The following SHISA6 variants were observed in gnomAD, a reference collection of about 807,000 sequenced individuals.
SHISA6 encodes shisa family member 6, also known as protein shisa-6.
A neutral mutation model predicts 47.9 loss-of-function variants in SHISA6; 22 were observed. That is an observed-to-expected ratio of 0.46 (90% CI 0.33 to 0.66). The LOEUF is 0.66. Among genes scored for constraint, SHISA6 ranks in the 30% least tolerant of loss-of-function variants. SHISA6 has a pLI of 0.02. For synonymous variants in SHISA6, 388 were observed against 337.8 expected, an observed-to-expected ratio of 1.15 and a Z score of -1.63; for missense variants, 680 against 764.6, an observed-to-expected ratio of 0.89 and a Z score of 1.30.
intron 3 of SHISA6, among the ~76,000 whole-genome samples, chr17:11,450,393 A>G (rs991769501): frequency 1.3e-5 from 2 of 152,024 alleles, no homozygotes; most frequent in East Asian, 3.9e-4. Context: ...GCAGTGGCTC[A>G]CGCCTGTAAT....
chr17:11,469,100 C>G (rs946424554), intron 3 of SHISA6, among the ~76,000 whole-genome samples: 1 of 151,362 alleles, frequency 6.6e-6, no homozygotes, highest in Non-Finnish European at 1.5e-5. Context: ...AGCATCTGGC[C>G]CAAGCAAAAT....
At chr17:11,480,504 C>T (rs1469624376) in intron 3 of SHISA6, among the ~76,000 whole-genome samples, 2 of 152,130 alleles carry the variant, frequency 1.3e-5, no homozygotes. Flanking sequence ...TATGGCCAGG[C>T]TCACCCCAAA....
chr17:11,335,887 G>A (rs1911302605), intron 2 of SHISA6, among the ~76,000 whole-genome samples: 1 of 152,062 alleles, frequency 6.6e-6, no homozygotes, highest in Non-Finnish European at 1.5e-5. Flanking sequence ...TGACATATGC[G>A]AGTTATGCCT....
chr17:11,504,295 T>C (rs2071479481), intron 3 of SHISA6, among the ~76,000 whole-genome samples: 2 of 152,158 alleles, frequency 1.3e-5, no homozygotes, highest in Non-Finnish European at 2.9e-5. Context: ...GACTGTTTGT[T>C]AGTATCCGTG....
chr17:11,372,565 T>C (rs1423573824), intron 2 of SHISA6, among the ~76,000 whole-genome samples: 3 of 151,416 alleles, frequency 2.0e-5, no homozygotes, highest in South Asian at 2.1e-4. Context: ...ATTGCTTTTC[T>C]TTTTTTTTCA....
At chr17:11,289,526 C>T (rs1388823955) in intron 2 of SHISA6, 1 of 149,502 alleles carries the variant, frequency 6.7e-6, no homozygotes, top group Non-Finnish European at 1.5e-5. Context: ...AAGGAGCTTA[C>T]ATGTGAAATT....
chr17:11,336,933 G>A (rs1911341377), intron 2 of SHISA6, among the ~76,000 whole-genome samples: 1 of 152,178 alleles, frequency 6.6e-6, no homozygotes, highest in Non-Finnish European at 1.5e-5. Context: ...AACACACTAG[G>A]ATTCCTCAAG....
At chr17:11,409,598 G>C (rs748945593) in intron 3 of SHISA6, among the ~76,000 whole-genome samples, 3 of 151,906 alleles carry the variant, frequency 2.0e-5, no homozygotes, top group Admixed American at 1.3e-4. Flanking sequence ...CAGCTACTCA[G>C]GAGGCTGAGA....
intron 3 of SHISA6, among the ~76,000 whole-genome samples, chr17:11,452,916 T>TCCTCCCCCTTCTCCC (rs1183816241): frequency 7.3e-5 from 11 of 150,292 alleles, no homozygotes; most frequent in African/African-American, 2.7e-4. Flanking sequence ...TATCTTCTTC[T>TCCTCCCCCTTCTCCC]CCTCCCCCTT....
chr17:11,261,124 C>T (rs1330387684), intron 1 of SHISA6, among the ~76,000 whole-genome samples: 2 of 150,900 alleles, frequency 1.3e-5, no homozygotes, highest in Non-Finnish European at 2.9e-5. Flanking sequence ...AGGGGGGTCA[C>T]CAATGGAGGG....
At chr17:11,332,345 G>T (rs1043610876) in intron 2 of SHISA6, among the ~76,000 whole-genome samples, 1 of 152,038 alleles carries the variant, frequency 6.6e-6, no homozygotes, top group East Asian at 1.9e-4. Context: ...GCTACCCTGC[G>T]TACCATAGAC....
At chr17:11,243,153 C>G (rs1406210692) in intron 1 of SHISA6, among the ~76,000 whole-genome samples, 1 of 151,674 alleles carries the variant, frequency 6.6e-6, no homozygotes, top group Non-Finnish European at 1.5e-5. Context: ...CCACACTGAC[C>G]CATTCACCTT....
chr17:11,420,497 A>G (rs936873656), intron 3 of SHISA6, among the ~76,000 whole-genome samples: 3 of 152,226 alleles, frequency 2.0e-5, no homozygotes, highest in Non-Finnish European at 4.4e-5. Context: ...TTCCTACAAG[A>G]GAAACTAAGT....
intron 2 of SHISA6, among the ~76,000 whole-genome samples, chr17:11,321,217 G>A (rs12943640): frequency 0.57 from 86,837 of 151,946 alleles, 25,850 homozygotes; most frequent in Middle Eastern, 0.67. Flanking sequence ...TGGAGATATA[G>A]GATTTTAGCT....
chr17:11,397,041 G>A (rs1913594623), intron 3 of SHISA6, among the ~76,000 whole-genome samples: 1 of 152,136 alleles, frequency 6.6e-6, no homozygotes, highest in African/African-American at 2.4e-5. Context: ...GAACTTTTAG[G>A]TAGGGTAGTT....
intron 3 of SHISA6, among the ~76,000 whole-genome samples, chr17:11,467,885 C>T (rs2142319082): frequency 6.6e-6 from 1 of 152,254 alleles, no homozygotes; most frequent in South Asian, 2.1e-4. Context: ...GTATGTGCAG[C>T]AAACATCCTT....
At chr17:11,375,784 T>A (rs1912779039) in intron 2 of SHISA6, among the ~76,000 whole-genome samples, 1 of 152,168 alleles carries the variant, frequency 6.6e-6, no homozygotes, top group African/African-American at 2.4e-5. Flanking sequence ...CGAGGCAGCC[T>A]GAGCAGCGAC....
intron 1 of SHISA6, among the ~76,000 whole-genome samples, chr17:11,244,825 T>C (rs1907512134): frequency 6.6e-6 from 1 of 152,158 alleles, no homozygotes. Flanking sequence ...AGTGTGTGCT[T>C]CCCCCTGAAG....
At position 11,558,411 on chromosome 17, in the gene SHISA6, T is replaced by A; in HGVS notation, c.*107T>A. ...TGCCACTCTCCCTTCCCTTGTCCCC[T>A]CTGTAGGAAGTGGGGGTGGGCCACC... On this transcript the variant is annotated 3_prime_UTR_variant, in exon 6 of 6. Coordinates refer to ENST00000441885, the MANE Select transcript of SHISA6 (RefSeq NM_207386.4). The A allele has an allele frequency of 7.6e-7, 1 of 1,312,576 alleles. No individual in the cohort carries two copies. Among genetic ancestry groups the A allele is most frequent in the Non-Finnish European group, 1.0e-6 (1 of 976,598 alleles). The allele number at this position is 1,312,576 out of a possible 1,614,324, so 81.3% of individuals were successfully genotyped here. A position where few individuals can be genotyped will look rare whatever the true frequency, so the allele number is the denominator to read the frequency against.
Sources: gnomAD v4.1 joint callset for allele counts (sites outside exome capture counted in the v4.1 genomes callset) on GRCh38, gnomAD v4.1.1 for gene constraint, MANE v1.5 for transcripts, NCBI Gene and HGNC (gene_info 2026-07-23, HGNC 2026-07-21) for gene names.